The following KCNAB1 variants were observed in gnomAD, a reference collection of about 807,000 sequenced individuals.
KCNAB1 encodes potassium voltage-gated channel subfamily A regulatory beta subunit 1, also known as voltage-gated potassium channel subunit beta-1.
Under a neutral mutation model 64.6 loss-of-function variants are expected in KCNAB1, and 35 were observed. The ratio of observed to expected loss-of-function variants is 0.54; its 90% confidence interval spans 0.41 to 0.72. The LOEUF (loss-of-function observed/expected upper bound fraction) is 0.72. KCNAB1 is among the 30% of genes least tolerant of loss of function. The probability of loss-of-function intolerance (pLI) is 0.00; values close to 1 mark genes in which losing one functional copy is unlikely to be tolerated. For missense variants in KCNAB1, 401 were observed against 512.9 expected (o/e 0.78, Z 2.11); for synonymous variants, 177 against 183.8 (o/e 0.96, Z 0.30).
intron 2 of KCNAB1, among the ~76,000 whole-genome samples, chr3:156,446,377 T>A (rs1361918107): frequency 1.3e-5 from 2 of 152,214 alleles, no homozygotes; most frequent in African/African-American, 4.8e-5. Context: ...ACATTGAACA[T>A]GTTAATTTTA....
rs561951397 is a variant in KCNAB1 at position 156,466,551 on chromosome 3, C to T, written c.571+865C>T. Among the ~76,000 whole-genome samples, 6 of 151,398 alleles carry T rather than the reference C, an allele frequency of 4.0e-5. No individual in the cohort carries two copies. In the East Asian group the frequency reaches 5.8e-4, roughly 15 times the overall value. ...TTTTATTTCAATAGCTTTTGGGGTA[C>T]GAGTAGTTTTTGGTTACATGATGAA... On this transcript the variant is annotated intron_variant, in intron 7 of 13. Coordinates refer to ENST00000490337, the MANE Select transcript of KCNAB1 (RefSeq NM_172160.3).
At chr3:156,128,300 G>T (rs1417702958) in intron 1 of KCNAB1, among the ~76,000 whole-genome samples, 2 of 152,056 alleles carry the variant, frequency 1.3e-5, no homozygotes, top group African/African-American at 4.8e-5. Context: ...GACCAAAGGG[G>T]CACACTGTGT....
intron 8 of KCNAB1, among the ~76,000 whole-genome samples, chr3:156,504,737 TTTTTGTTTTTTTTG>T (rs1366508763): frequency 7.3e-5 from 9 of 123,408 alleles, no homozygotes; most frequent in African/African-American, 1.3e-4. Context: ...ACTTGTTTTG[TTTTTGTTTTTTTTG>T]TTTTTTTTTT....
intron 1 of KCNAB1, among the ~76,000 whole-genome samples, chr3:156,276,426 T>G (rs1380666651): frequency 1.3e-5 from 2 of 152,160 alleles, no homozygotes; most frequent in African/African-American, 4.8e-5. Flanking sequence ...TTAGCCCCTA[T>G]TAAGAGAGTC....
At chr3:156,371,859 A>G (rs754245852) in intron 1 of KCNAB1, among the ~76,000 whole-genome samples, 12 of 152,198 alleles carry the variant, frequency 7.9e-5, no homozygotes, top group Non-Finnish European at 1.8e-4. Context: ...TACTTTAACA[A>G]CCAGAAGGCA....
chr3:156,296,927 G>T (rs1720822729), intron 1 of KCNAB1, among the ~76,000 whole-genome samples: 1 of 152,148 alleles, frequency 6.6e-6, no homozygotes, highest in Admixed American at 6.5e-5. Flanking sequence ...TATATAGCAT[G>T]ATAGCAAAAC....
At chr3:156,418,311 G>T (rs1287161176) in intron 1 of KCNAB1, among the ~76,000 whole-genome samples, 1 of 152,200 alleles carries the variant, frequency 6.6e-6, no homozygotes, top group Non-Finnish European at 1.5e-5. Context: ...TGAGGTATTT[G>T]TGAAAATTCT....
chr3:156,463,957 A>G (rs535838728), intron 6 of KCNAB1, among the ~76,000 whole-genome samples: 1 of 152,288 alleles, frequency 6.6e-6, no homozygotes, highest in East Asian at 1.9e-4. Flanking sequence ...AGTGCAAAGC[A>G]TGTGGTCACT....
chr3:156,181,585 CGAG>C (rs1401660590), intron 1 of KCNAB1, among the ~76,000 whole-genome samples: 2 of 152,142 alleles, frequency 1.3e-5, no homozygotes, highest in South Asian at 2.1e-4. Flanking sequence ...AGTCCAGTCA[CGAG>C]GAGATGAGGA....
At chr3:156,228,350 C>G (rs1380626661) in intron 1 of KCNAB1, among the ~76,000 whole-genome samples, 1 of 152,166 alleles carries the variant, frequency 6.6e-6, no homozygotes, top group African/African-American at 2.4e-5. Flanking sequence ...CTACCGTGTG[C>G]TTTGAACATA....
chr3:156,408,146 T>A (rs1023193789), intron 1 of KCNAB1, among the ~76,000 whole-genome samples: 23 of 152,234 alleles, frequency 1.5e-4, no homozygotes, highest in African/African-American at 5.3e-4. Flanking sequence ...GCAGAAACTT[T>A]TATTTTTCTC....
chr3:156,233,631 G>A lies in KCNAB1; in HGVS notation c.275+112745G>A, dbSNP rs1331662231. On this transcript the variant is annotated intron_variant, in intron 1 of 13. Transcript: ENST00000490337. ...TAAGGTTTGGATGAGGACCAGCAAG[G>A]GCAAAAGCAGAAAGGCCTGTTAGAA... Among the ~76,000 whole-genome samples, 4 of 152,148 alleles carry A rather than the reference G, an allele frequency of 2.6e-5. No individual in the cohort carries two copies. The South Asian group carries it at 8.3e-4, about 32-fold the overall frequency.
At chr3:156,455,243 C>G (rs945239974) in intron 3 of KCNAB1, among the ~76,000 whole-genome samples, 2 of 152,344 alleles carry the variant, frequency 1.3e-5, no homozygotes, top group Middle Eastern at 3.4e-3. Flanking sequence ...AATCTCAACA[C>G]AAAGTACATG....
intron 1 of KCNAB1, among the ~76,000 whole-genome samples, chr3:156,295,355 C>T (rs1200280200): frequency 1.3e-5 from 2 of 152,234 alleles, no homozygotes; most frequent in East Asian, 3.9e-4. Flanking sequence ...GGTATAATGC[C>T]TTCTACTTAT....
chr3:156,385,987 T>A (rs2108157702), intron 1 of KCNAB1, among the ~76,000 whole-genome samples: 1 of 152,282 alleles, frequency 6.6e-6, no homozygotes, highest in East Asian at 1.9e-4. Flanking sequence ...TTCAAATAAT[T>A]CAATCATGAT....
In KCNAB1 at chr3:156,358,910, A is replaced by G. The variant is rs3772247; in HGVS notation, c.276-62706A>G. ...TTATTGTTTTACACTATGGATTCCT[A>G]TAAAGTTTTTCAGCAGAGAACTGTA... On this transcript the variant is annotated intron_variant, in intron 1 of 13. Coordinates refer to ENST00000490337, the MANE Select transcript of KCNAB1 (RefSeq NM_172160.3). Among the ~76,000 whole-genome samples, 69 of 152,364 alleles carry G rather than the reference A, an allele frequency of 4.5e-4. No individual in the cohort carries two copies. In the East Asian group the frequency reaches 0.013, roughly 28 times the overall value.
At chr3:156,323,834 C>T (rs1429601176) in intron 1 of KCNAB1, among the ~76,000 whole-genome samples, 1 of 152,164 alleles carries the variant, frequency 6.6e-6, no homozygotes, top group East Asian at 1.9e-4. Flanking sequence ...TTCCTTTTTA[C>T]TGCTTCCTGT....
At chr3:156,371,756 G>A (rs934119380) in intron 1 of KCNAB1, among the ~76,000 whole-genome samples, 8 of 152,044 alleles carry the variant, frequency 5.3e-5, no homozygotes, top group African/African-American at 1.9e-4. Flanking sequence ...AAAATACTCG[G>A]TATAGCCAAT....
chr3:156,381,890 C>A (rs1347775233), intron 1 of KCNAB1, among the ~76,000 whole-genome samples: 1 of 152,172 alleles, frequency 6.6e-6, no homozygotes. Flanking sequence ...TGCACAGATG[C>A]TTAACATTTC....
Sources: allele counts gnomAD v4.1 joint callset (sites outside exome capture counted in the v4.1 genomes callset), GRCh38; gene constraint gnomAD v4.1.1; transcripts MANE v1.5; gene names NCBI Gene and HGNC (gene_info 2026-07-23, HGNC 2026-07-21).